The following SLC35D4 variants were observed in gnomAD, a reference collection of about 807,000 sequenced individuals.
The protein encoded by SLC35D4 is UDP-N-acetylglucosamine transporter SLC35D4.
the SLC35D4 span, among the ~76,000 whole-genome samples, chr18:23,410,286 G>A: frequency 6.6e-6 from 1 of 152,006 alleles, no homozygotes; most frequent in South Asian, 2.1e-4. Context: ...GACCATCCTG[G>A]CTAACACAGT....
chr18:23,261,104 G>A, the SLC35D4 span, among the ~76,000 whole-genome samples: 10 of 152,166 alleles, frequency 6.6e-5, no homozygotes, highest in African/African-American at 1.7e-4. Context: ...AATGCCTCGC[G>A]AGTACTGTGC....
At chr18:23,342,835 C>T in the SLC35D4 span, among the ~76,000 whole-genome samples, 2 of 152,180 alleles carry the variant, frequency 1.3e-5, no homozygotes, top group Non-Finnish European at 2.9e-5. Flanking sequence ...AAACACCTTC[C>T]TATGTACTTA....
the SLC35D4 span, among the ~76,000 whole-genome samples, chr18:23,388,314 T>C: frequency 1.3e-5 from 2 of 152,238 alleles, no homozygotes; most frequent in African/African-American, 4.8e-5. Context: ...GTGTTAAACA[T>C]AGTGCTAAGT....
At chr18:23,401,843 A>G in the SLC35D4 span, among the ~76,000 whole-genome samples, 1 of 152,258 alleles carries the variant, frequency 6.6e-6, no homozygotes, top group Admixed American at 6.5e-5. Flanking sequence ...AAAAGAAAAC[A>G]TGCCTAGGGA....
At chr18:23,420,023 G>A in the SLC35D4 span, among the ~76,000 whole-genome samples, 59 of 152,174 alleles carry the variant, frequency 3.9e-4, no homozygotes, top group African/African-American at 1.2e-3. Flanking sequence ...TAAGGGAATC[G>A]CCGGGCACAG....
At chr18:23,413,617 C>G in the SLC35D4 span, among the ~76,000 whole-genome samples, 2 of 152,076 alleles carry the variant, frequency 1.3e-5, no homozygotes, top group Non-Finnish European at 2.9e-5. Flanking sequence ...AGAACAGAGG[C>G]AATGTTAGTA....
the SLC35D4 span, among the ~76,000 whole-genome samples, chr18:23,415,258 T>G: frequency 3.2e-4 from 48 of 152,234 alleles, no homozygotes; most frequent in Non-Finnish European, 6.8e-4. Flanking sequence ...CACAGACTCT[T>G]GATGAAAAAT....
the SLC35D4 span, among the ~76,000 whole-genome samples, chr18:23,298,954 G>T: frequency 6.6e-6 from 1 of 152,214 alleles, no homozygotes; most frequent in Admixed American, 6.5e-5. Context: ...TGAACGTTTG[G>T]GGTGCTGAGT....
At chr18:23,272,796 G>C in the SLC35D4 span, among the ~76,000 whole-genome samples, 1 of 152,094 alleles carries the variant, frequency 6.6e-6, no homozygotes, top group African/African-American at 2.4e-5. Context: ...ATTTACTATA[G>C]AAACTTCCCA....
At chr18:23,301,311 T>G in the SLC35D4 span, among the ~76,000 whole-genome samples, 63 of 152,312 alleles carry the variant, frequency 4.1e-4, no homozygotes, top group Non-Finnish European at 8.2e-4. Context: ...AGGTTTCAGA[T>G]TTTTAATTCA....
At chr18:23,328,465 G>A in the SLC35D4 span, among the ~76,000 whole-genome samples, 1 of 152,138 alleles carries the variant, frequency 6.6e-6, no homozygotes, top group East Asian at 1.9e-4. Context: ...TTGCTACAAA[G>A]AGAATAAAAT....
the SLC35D4 span, among the ~76,000 whole-genome samples, chr18:23,239,939 A>G: frequency 1.3e-5 from 2 of 152,130 alleles, no homozygotes; most frequent in Non-Finnish European, 2.9e-5. Flanking sequence ...CCAACGTGGT[A>G]AAACCCCATC....
At chr18:23,399,040 G>C in the SLC35D4 span, among the ~76,000 whole-genome samples, 3 of 152,324 alleles carry the variant, frequency 2.0e-5, no homozygotes, top group African/African-American at 7.2e-5. Flanking sequence ...CACAGTTCCT[G>C]CATTTGAGGA....
chr18:23,289,491 T>C, the SLC35D4 span, among the ~76,000 whole-genome samples: 1 of 152,200 alleles, frequency 6.6e-6, no homozygotes, highest in Non-Finnish European at 1.5e-5. Flanking sequence ...TTCAGCTTAA[T>C]CTCTCCCACT....
At chr18:23,299,373 G>A in the SLC35D4 span, among the ~76,000 whole-genome samples, 7 of 152,096 alleles carry the variant, frequency 4.6e-5, no homozygotes, top group East Asian at 3.9e-4. Flanking sequence ...TGGTCCTCCC[G>A]GTGGGCCACC....
chr18:23,319,370 A>G, the SLC35D4 span, among the ~76,000 whole-genome samples: 11 of 151,990 alleles, frequency 7.2e-5, no homozygotes, highest in African/African-American at 2.7e-4. Context: ...TCCTAGGTTC[A>G]AATGATTCTC....
At chr18:23,408,411 T>C in the SLC35D4 span, among the ~76,000 whole-genome samples, 1 of 152,216 alleles carries the variant, frequency 6.6e-6, no homozygotes. Flanking sequence ...TTTGGTATCT[T>C]ATAACATTTT....
At chr18:23,352,389 A>C in the SLC35D4 span, 1 of 884,304 alleles carries the variant, frequency 1.1e-6, no homozygotes, top group Non-Finnish European at 1.7e-6. Flanking sequence ...TCAAATTATT[A>C]TGCAACCTCT....
At chr18:23,414,319 AAGGAAGGAAGGAAGGC>A in the SLC35D4 span, among the ~76,000 whole-genome samples, 376 of 146,498 alleles carry the variant, frequency 2.6e-3, 3 homozygotes, top group African/African-American at 9.2e-3. Flanking sequence ...GGAAGGAAGG[AAGGAAGGAAGGAAGGC>A]AGGCAGGCAG....
Sources: gnomAD v4.1 joint callset for allele counts (sites outside exome capture counted in the v4.1 genomes callset) on GRCh38, gnomAD v4.1.1 for gene constraint, MANE v1.5 for transcripts, NCBI Gene and HGNC (gene_info 2026-07-23, HGNC 2026-07-21) for gene names.